LAMA2: variants seen among roughly 807,000 people sequenced by gnomAD.
The protein encoded by LAMA2 is laminin subunit alpha 2.
LAMA2 carries 269 observed loss-of-function variants against 364.8 expected under a neutral mutation model. The ratio of observed to expected loss-of-function variants is 0.74; its 90% CI spans 0.67 to 0.82. LAMA2 has a LOEUF of 0.82. Ranked by LOEUF, LAMA2 falls within the 40% of genes least tolerant of loss-of-function variation. LAMA2 has a pLI of 0.00. For synonymous variants in LAMA2, 1,379 were observed against 1,370.6 expected (o/e 1.01, Z -0.14); for missense variants, 3,807 against 3,873.2 (o/e 0.98, Z 0.45).
chr6:129,471,102 A>G (rs1451622210), intron 51 of LAMA2, among the ~76,000 whole-genome samples: 2 of 151,962 alleles, frequency 1.3e-5, no homozygotes, highest in Non-Finnish European at 2.9e-5. Context: ...TGTGTCTATT[A>G]TTTAATAAAA....
intron 17 of LAMA2, among the ~76,000 whole-genome samples, chr6:129,271,279 C>G (rs1046258968): frequency 6.6e-6 from 1 of 151,878 alleles, no homozygotes; most frequent in Non-Finnish European, 1.5e-5. Flanking sequence ...GAACAACCAC[C>G]TCTTAGAGCA....
At chr6:129,122,856 A>C (rs1009244206) in intron 4 of LAMA2, among the ~76,000 whole-genome samples, 2 of 152,210 alleles carry the variant, frequency 1.3e-5, no homozygotes, top group African/African-American at 4.8e-5. Flanking sequence ...ATCCACAAAA[A>C]GGATGAAGAA....
intron 1 of LAMA2, among the ~76,000 whole-genome samples, chr6:129,008,015 A>G (rs1162030598): frequency 6.6e-6 from 1 of 152,190 alleles, no homozygotes; most frequent in East Asian, 1.9e-4. Context: ...TACATCCTTG[A>G]GAAGCTTCCT....
intron 12 of LAMA2, among the ~76,000 whole-genome samples, chr6:129,204,692 A>G (rs559577193): frequency 2.6e-5 from 4 of 152,304 alleles, no homozygotes; most frequent in African/African-American, 9.6e-5. Flanking sequence ...CACCCAGTCT[A>G]TGGTATTTTA....
At chr6:129,504,266 A>C (rs1333935239) in intron 60 of LAMA2, among the ~76,000 whole-genome samples, 2 of 152,238 alleles carry the variant, frequency 1.3e-5, no homozygotes, top group Non-Finnish European at 2.9e-5. Context: ...GCTCTCATTA[A>C]GAGTTCTTCC....
At chr6:129,228,707 T>C (rs534152856) in intron 12 of LAMA2, among the ~76,000 whole-genome samples, 17 of 152,312 alleles carry the variant, frequency 1.1e-4, no homozygotes, top group African/African-American at 3.8e-4. Flanking sequence ...ACTCCTGTTC[T>C]AGGTAATTGA....
intron 1 of LAMA2, among the ~76,000 whole-genome samples, chr6:129,009,419 C>G (rs575616720): frequency 2.0e-5 from 3 of 151,372 alleles, no homozygotes; most frequent in African/African-American, 7.3e-5. Context: ...ATAAGTAATT[C>G]AAAAAGTCAC....
chr6:129,013,350 T>C (rs1250383662), intron 1 of LAMA2, among the ~76,000 whole-genome samples: 1 of 151,192 alleles, frequency 6.6e-6, no homozygotes, highest in Non-Finnish European at 1.5e-5. Flanking sequence ...GGCAGGAGAA[T>C]GGCGGGAACC....
At chr6:129,301,846 T>C (rs1773569703) in intron 22 of LAMA2, among the ~76,000 whole-genome samples, 1 of 152,146 alleles carries the variant, frequency 6.6e-6, no homozygotes, top group Non-Finnish European at 1.5e-5. Flanking sequence ...AGCATTATAA[T>C]TTTCCAATTT....
rs376427088 is a variant in LAMA2 at position 129,507,465 on chromosome 6, G to A, written c.8704-24G>A. 7.1e-5 allele frequency: 115 copies of A among 1,613,702 alleles called. 1 individual carries two copies. The East Asian group carries it at 1.7e-3, about 24-fold the overall frequency. ...AAAGTTCTGCTAAAACCTGACATTT[G>A]TTTCTTCTGATCTGAATGTTTAGGT... On this transcript the variant is annotated intron_variant, in intron 61 of 64. Coordinates refer to ENST00000421865, the MANE Select transcript of LAMA2 (RefSeq NM_000426.4).
chr6:129,506,936 G>A (rs1194904669), intron 61 of LAMA2, among the ~76,000 whole-genome samples: 1 of 152,010 alleles, frequency 6.6e-6, no homozygotes, highest in African/African-American at 2.4e-5. Flanking sequence ...GTGTGATTGA[G>A]TTACTTCTAA....
chr6:128,899,686 C>T (rs1176247957), intron 1 of LAMA2, among the ~76,000 whole-genome samples: 1 of 151,894 alleles, frequency 6.6e-6, no homozygotes, highest in Non-Finnish European at 1.5e-5. Context: ...ACAGTATGGA[C>T]AGATATGAGT....
At chr6:128,899,874 G>A (rs1395449450) in intron 1 of LAMA2, among the ~76,000 whole-genome samples, 1 of 152,032 alleles carries the variant, frequency 6.6e-6, no homozygotes, top group Non-Finnish European at 1.5e-5. Flanking sequence ...GAACTTTTCT[G>A]GATGGAAGGT....
At chr6:129,050,111 G>GTGTGGCGCTGGGTAGGATCTATAAT in intron 2 of LAMA2, 23 bp downstream of exon 2, 1 of 1,613,182 alleles carries the variant, frequency 6.2e-7, no homozygotes, top group Non-Finnish European at 8.5e-7. Flanking sequence ...GTGTGTAGGT[G>GTGTGGCGCTGGGTAGGATCTATAAT]TGTGGCGCTG....
chr6:129,320,162 GAAAAA>G (rs927728988), intron 27 of LAMA2, among the ~76,000 whole-genome samples: 113 of 114,792 alleles, frequency 9.8e-4, no homozygotes, highest in African/African-American at 2.8e-3. Context: ...TAAATAAAAA[GAAAAA>G]AAAAAAGAAA....
chr6:128,991,519 C>A (rs1371893016), intron 1 of LAMA2, among the ~76,000 whole-genome samples: 2 of 152,152 alleles, frequency 1.3e-5, no homozygotes, highest in African/African-American at 4.8e-5. Flanking sequence ...TTTTAGAATT[C>A]TTTACACTAA....
At chr6:129,334,411 C>T (rs1775829700) in intron 29 of LAMA2, among the ~76,000 whole-genome samples, 2 of 152,052 alleles carry the variant, frequency 1.3e-5, no homozygotes, top group African/African-American at 4.8e-5. Flanking sequence ...TGATGAAATA[C>T]TCAATAAAAG....
At position 129,098,307 on chromosome 6, in the gene LAMA2, A is replaced by G; in HGVS notation, c.531A>G (p.Leu177=). ...ATGCTGTGACAGACACGGAGTGCCTAACGCTTTACAATATTTATCCCCGCA... is the reference window on the plus strand; with the variant it reads ...ATGCTGTGACAGACACGGAGTGCCTGACGCTTTACAATATTTATCCCCGCA... ...QYHAVTDTEC[L]TLYNIYPRTG... is the part of the protein sequence containing the mutation. Residue 177 remains leucine (L), a synonymous_variant, in exon 4 of 65, where the codon CTA becomes CTG. Coordinates refer to ENST00000421865, the MANE Select transcript of LAMA2 (RefSeq NM_000426.4). 6.2e-7 allele frequency: 1 copy of G among 1,614,070 alleles called. No individual in the cohort carries two copies. Among genetic ancestry groups the G allele is most frequent in the African/African-American group, 1.3e-5 (1 of 75,008 alleles).
At chr6:129,294,304 C>T (rs1017245649) in intron 20 of LAMA2, among the ~76,000 whole-genome samples, 1 of 152,206 alleles carries the variant, frequency 6.6e-6, no homozygotes, top group African/African-American at 2.4e-5. Context: ...GGAAGCTCAT[C>T]TTAATTCATT....
Sources: gnomAD v4.1 joint callset for allele counts (sites outside exome capture counted in the v4.1 genomes callset) on GRCh38, gnomAD v4.1.1 for gene constraint, MANE v1.5 for transcripts, NCBI Gene and HGNC (gene_info 2026-07-23, HGNC 2026-07-21) for gene names.